The following XRCC4 variants were observed in gnomAD, a reference collection of about 807,000 sequenced individuals.
The protein encoded by XRCC4 is DNA repair protein XRCC4.
A neutral mutation model predicts 39.1 loss-of-function variants in XRCC4; 28 were observed. That is an observed-to-expected ratio of 0.72 (90% CI 0.53 to 0.98). The LOEUF (loss-of-function observed/expected upper bound fraction) is 0.98. XRCC4 is among the 50% of genes least tolerant of loss of function. XRCC4 has a pLI of 0.00. For missense variants in XRCC4, 350 were observed against 376.4 expected (o/e 0.93, Z 0.58); for synonymous variants, 123 against 126.4 (o/e 0.97, Z 0.18).
At chr5:83,095,151 C>T (rs968280135) in intron 1 of XRCC4, among the ~76,000 whole-genome samples, 1 of 152,116 alleles carries the variant, frequency 6.6e-6, no homozygotes, top group African/African-American at 2.4e-5. Context: ...ACACAGCTTG[C>T]TTTTAGGTTC....
chr5:83,246,843 G>A (rs1753120979), intron 6 of XRCC4, among the ~76,000 whole-genome samples: 1 of 152,250 alleles, frequency 6.6e-6, no homozygotes, highest in South Asian at 2.1e-4. Flanking sequence ...GAATTTCAGA[G>A]ATAGTAAGAT....
At chr5:83,346,817 G>A (rs1756930826) in intron 7 of XRCC4, among the ~76,000 whole-genome samples, 1 of 152,152 alleles carries the variant, frequency 6.6e-6, no homozygotes, top group South Asian at 2.1e-4. Flanking sequence ...GTAAGTCCTT[G>A]TGGAAGGTTT....
intron 6 of XRCC4, among the ~76,000 whole-genome samples, chr5:83,212,925 TAA>T (rs777025309): frequency 6.5e-5 from 4 of 61,598 alleles, no homozygotes; most frequent in Non-Finnish European, 1.0e-4. Flanking sequence ...AGATTCCATC[TAA>T]AAAAAAAAAA....
intron 6 of XRCC4, among the ~76,000 whole-genome samples, chr5:83,217,379 C>CA: frequency 7.4e-6 from 1 of 135,916 alleles, no homozygotes; most frequent in South Asian, 2.2e-4. Context: ...AAAAAAAAAC[C>CA]ATTGCGATAA....
chr5:83,126,312 C>T (rs1019310902), intron 3 of XRCC4, among the ~76,000 whole-genome samples: 1 of 151,920 alleles, frequency 6.6e-6, no homozygotes, highest in African/African-American at 2.4e-5. Flanking sequence ...TTTACAGTGG[C>T]TCATTATGAG....
At chr5:83,116,622 T>TGG (rs1746729139) in intron 3 of XRCC4, among the ~76,000 whole-genome samples, 1 of 134,168 alleles carries the variant, frequency 7.5e-6, no homozygotes, top group Non-Finnish European at 1.6e-5. Context: ...TTTTTTTTTT[T>TGG]TTTTTTTTTT....
chr5:83,356,001 G>A (rs1757185838), downstream of XRCC4, among the ~76,000 whole-genome samples: 1 of 152,036 alleles, frequency 6.6e-6, no homozygotes, highest in Non-Finnish European at 1.5e-5. Flanking sequence ...TCAGGAAAAG[G>A]ATTTGACTAA....
At chr5:83,180,337 A>C (rs1750150155) in intron 3 of XRCC4, among the ~76,000 whole-genome samples, 2 of 152,120 alleles carry the variant, frequency 1.3e-5, no homozygotes, top group Non-Finnish European at 2.9e-5. Flanking sequence ...TGAGGGTAAA[A>C]GGTTATAGTC....
intron 7 of XRCC4, among the ~76,000 whole-genome samples, chr5:83,308,810 A>T (rs1261545284): frequency 6.6e-6 from 1 of 152,210 alleles, no homozygotes; most frequent in African/African-American, 2.4e-5. Context: ...CAATTATTTA[A>T]TATTTGTCCT....
chr5:83,184,652 A>G (rs1750355849), intron 3 of XRCC4, among the ~76,000 whole-genome samples: 1 of 152,086 alleles, frequency 6.6e-6, no homozygotes, highest in African/African-American at 2.4e-5. Context: ...ATAGCATGAT[A>G]ATTTTATCAT....
At chr5:83,365,615 T>C in the XRCC4 span, among the ~76,000 whole-genome samples, 1 of 152,158 alleles carries the variant, frequency 6.6e-6, no homozygotes, top group African/African-American at 2.4e-5. Context: ...TTTTCAGAGA[T>C]ACCATTCAAT....
chr5:83,355,170 A>T (rs1015197918), downstream of XRCC4, among the ~76,000 whole-genome samples: 1 of 152,088 alleles, frequency 6.6e-6, no homozygotes, highest in Admixed American at 6.6e-5. Flanking sequence ...TCAGCTTCAC[A>T]TGGTTGGTTT....
intron 7 of XRCC4, among the ~76,000 whole-genome samples, chr5:83,323,729 T>G (rs948117564): frequency 1.5e-5 from 2 of 136,040 alleles, no homozygotes; most frequent in Admixed American, 1.5e-4. Context: ...TATCTGATAC[T>G]GTGTTTGGAA....
chr5:83,366,313 G>GTGTT, the XRCC4 span, among the ~76,000 whole-genome samples: 1 of 152,112 alleles, frequency 6.6e-6, no homozygotes, highest in Non-Finnish European at 1.5e-5. Context: ...CTACGCTGTG[G>GTGTT]TGTTCTCTTA....
chr5:83,333,083 TAG>T (rs1197803143), intron 7 of XRCC4, among the ~76,000 whole-genome samples: 1 of 152,126 alleles, frequency 6.6e-6, no homozygotes, highest in African/African-American at 2.4e-5. Flanking sequence ...CCATTTTGAA[TAG>T]ACTTTCAACA....
chr5:83,312,520 GCTCT>G (rs892171225), intron 7 of XRCC4, among the ~76,000 whole-genome samples: 23 of 152,158 alleles, frequency 1.5e-4, no homozygotes, highest in African/African-American at 5.1e-4. Context: ...CTTAACTTCT[GCTCT>G]CTAAGAGAGT....
intron 7 of XRCC4, among the ~76,000 whole-genome samples, chr5:83,351,029 G>C (rs1435624460): frequency 1.3e-5 from 2 of 152,086 alleles, no homozygotes; most frequent in Non-Finnish European, 2.9e-5. Context: ...TTGAAGAAGG[G>C]GCCTGGTGGG....
At chr5:83,211,324 C>A (rs920924025) in intron 6 of XRCC4, among the ~76,000 whole-genome samples, 2 of 152,192 alleles carry the variant, frequency 1.3e-5, no homozygotes, top group African/African-American at 2.4e-5. Flanking sequence ...CTAAAGAGGG[C>A]TCACTCAATT....
At chr5:83,079,609 G>T (rs1488676946) in intron 1 of XRCC4, among the ~76,000 whole-genome samples, 3 of 152,238 alleles carry the variant, frequency 2.0e-5, no homozygotes, top group Middle Eastern at 3.4e-3. Context: ...ACTCACTGCA[G>T]CCTCAACCTC....
Sources: allele counts gnomAD v4.1 joint callset (sites outside exome capture counted in the v4.1 genomes callset), GRCh38; gene constraint gnomAD v4.1.1; transcripts MANE v1.5; gene names NCBI Gene and HGNC (gene_info 2026-07-23, HGNC 2026-07-21).